Variants in BAZ2B observed in about 807,000 individuals in gnomAD.
BAZ2B encodes bromodomain adjacent to zinc finger domain 2B, also known as bromodomain adjacent to zinc finger domain protein 2B.
BAZ2B carries 91 observed loss-of-function variants against 246.0 expected under a neutral mutation model. The ratio of observed to expected loss-of-function variants is 0.37; its 90% CI spans 0.31 to 0.44. The LOEUF (loss-of-function observed/expected upper bound fraction) is 0.44, where lower values mean the gene tolerates loss of function less well. Among genes scored for constraint, BAZ2B ranks in the 20% least tolerant of loss-of-function variants. The pLI is 1.00. For synonymous variants in BAZ2B, 855 were observed against 860.0 expected, an observed-to-expected ratio of 0.99 and a Z score of 0.10; for missense variants, 2,332 against 2,533.7, an observed-to-expected ratio of 0.92 and a Z score of 1.71.
At chr2:159,533,093 G>C (rs768795155) in intron 2 of BAZ2B, among the ~76,000 whole-genome samples, 29 of 152,270 alleles carry the variant, frequency 1.9e-4, no homozygotes, top group Non-Finnish European at 3.8e-4. Context: ...ATAGGGTGGT[G>C]GTGGGAGTGA....
At chr2:159,398,176 A>C (rs1046660423) in intron 18 of BAZ2B, 2 of 150,696 alleles carry the variant, frequency 1.3e-5, no homozygotes, top group African/African-American at 4.9e-5. Context: ...TCACCCAGCT[A>C]CCCCCTTTCA....
In BAZ2B at chr2:159,517,189, T is replaced by C. The variant is rs186982072; in HGVS notation, c.-2-38468A>G. Among the ~76,000 whole-genome samples, 845 of 152,224 alleles carry C rather than the reference T, an allele frequency of 5.6e-3. 12 individuals carry two copies. The highest frequency in any genetic ancestry group is 0.019 in the African/African-American group (805 of 41,550). On this transcript the variant is annotated intron_variant, in intron 2 of 36. Coordinates refer to ENST00000392783, the MANE Select transcript of BAZ2B (RefSeq NM_013450.4). ...CAGAAAGTTTACATAATTTGAAACT[T>C]TTCTCTACATCATTTTAAACTCATA...
chr2:159,516,553 A>C (rs1212501609), intron 2 of BAZ2B: 1 of 152,580 alleles, frequency 6.6e-6, no homozygotes, highest in African/African-American at 2.4e-5. Flanking sequence ...GTTACTCACA[A>C]AACATGGCTG....
At chr2:159,495,940 T>C (rs771201237) in intron 2 of BAZ2B, among the ~76,000 whole-genome samples, 6 of 151,474 alleles carry the variant, frequency 4.0e-5, no homozygotes, top group East Asian at 2.0e-4. Flanking sequence ...GCCAATTTTT[T>C]TTTTGTATTT....
At chr2:159,597,433 T>C (rs1020989112) in intron 1 of BAZ2B, among the ~76,000 whole-genome samples, 1 of 152,328 alleles carries the variant, frequency 6.6e-6, no homozygotes, top group African/African-American at 2.4e-5. Context: ...ACAGAATAAC[T>C]TTCTGTGCTT....
intron 1 of BAZ2B, among the ~76,000 whole-genome samples, chr2:159,612,431 G>A (rs566747341): frequency 4.6e-5 from 7 of 152,000 alleles, no homozygotes; most frequent in African/African-American, 7.2e-5. Flanking sequence ...ACTTGATGAC[G>A]TAATTCCTCT....
chr2:159,552,901 A>C lies in BAZ2B; in HGVS notation c.-3+2922T>G, dbSNP rs905817427. On this transcript the variant is annotated intron_variant, in intron 2 of 36. Coordinates refer to ENST00000392783, the MANE Select transcript of BAZ2B (RefSeq NM_013450.4). ...GATGATTAGGGAAAACCTCAGGGAGATGATTATATGTGGATATGGTATTAG... is the reference window on the plus strand; with the variant it reads ...GATGATTAGGGAAAACCTCAGGGAGCTGATTATATGTGGATATGGTATTAG... Among the ~76,000 whole-genome samples, 67 of 152,212 alleles carry C rather than the reference A, an allele frequency of 4.4e-4. 1 individual carries two copies. Among genetic ancestry groups the C allele is most frequent in the Non-Finnish European group, 1.0e-4 (7 of 68,036 alleles).
rs569209872 is a variant in BAZ2B at position 159,337,668 on chromosome 2, G to A, written c.5559C>T (p.Gly1853=). The A allele has an allele frequency of 1.8e-5, 29 of 1,614,090 alleles. No homozygotes were observed. The highest frequency in any genetic ancestry group is 6.7e-5 in the East Asian group (3 of 44,888). ...GTGCATGTGCACTGCTTTCGTCTTC[G>A]CCAGTAAATTCTCCATCATGCTCCT... ...LCKEHDGEFT[G]EDESSAHALE... Residue 1853 remains glycine, a synonymous_variant, in exon 32 of 37, where the codon GGC becomes GGT. Transcript: ENST00000392783.
chr2:159,436,424 T>C (rs2072320044), intron 8 of BAZ2B, among the ~76,000 whole-genome samples: 1 of 152,156 alleles, frequency 6.6e-6, no homozygotes, highest in Admixed American at 6.6e-5. Flanking sequence ...AATTGAGACC[T>C]GTATAGCAGC....
rs190500885 is a variant in BAZ2B, at chr2:159,446,688, A to G, written c.696+94T>C. 678 of 1,240,222 alleles carry G rather than the reference A, an allele frequency of 5.5e-4. 2 individuals are homozygous for G. The highest frequency in any genetic ancestry group is 3.8e-5 in the Non-Finnish European group (34 of 904,668). 76.8% of individuals were successfully genotyped at this position (1,240,222 alleles called of 1,614,324 possible). On this transcript the variant is annotated intron_variant, in intron 6 of 36. Transcript: ENST00000392783. ...TAAAAATAAAAGTTGGTAATTCATA[A>G]GAAATTAAACCATAGATTCTGTTGA...
chr2:159,425,748 A>T (rs2069716318), intron 13 of BAZ2B, among the ~76,000 whole-genome samples: 1 of 152,224 alleles, frequency 6.6e-6, no homozygotes, highest in African/African-American at 2.4e-5. Context: ...TATATTTTAC[A>T]TCTTCTACAA....
At position 159,547,529 on chromosome 2, in the gene BAZ2B, A is replaced by C. The variant is rs148471747; in HGVS notation, c.-3+8294T>G. 4.7e-3 allele frequency among the ~76,000 whole-genome samples: 716 copies of C among 152,264 alleles called. 5 individuals are homozygous for C. Among genetic ancestry groups the C allele is most frequent in the African/African-American group, 0.016 (678 of 41,566 alleles). ...TTTCTGCAGACTACAGTTATATTTT[A>C]TCCACTCCCTGACTAGCATTTCTTA... On this transcript the variant is annotated intron_variant, in intron 2 of 36. Transcript: ENST00000392783.
chr2:159,618,448 G>A (rs1696294896), upstream of BAZ2B, among the ~76,000 whole-genome samples: 1 of 151,990 alleles, frequency 6.6e-6, no homozygotes, highest in Admixed American at 6.6e-5. Flanking sequence ...ATGTATGACT[G>A]GGTCAACAGT....
intron 9 of BAZ2B, among the ~76,000 whole-genome samples, chr2:159,431,910 T>C (rs527939788): frequency 6.6e-6 from 1 of 152,312 alleles, no homozygotes; most frequent in South Asian, 2.1e-4. Flanking sequence ...ATATTGAAAT[T>C]CATTATAAAA....
At chr2:159,326,440 A>C (rs1422827730) in intron 34 of BAZ2B, among the ~76,000 whole-genome samples, 1 of 152,202 alleles carries the variant, frequency 6.6e-6, no homozygotes, top group Non-Finnish European at 1.5e-5. Flanking sequence ...CCTGGATAAA[A>C]GATAACAGGT....
intron 23 of BAZ2B, 22 bp downstream of exon 23, chr2:159,385,132 GA>G: frequency 6.4e-7 from 1 of 1,570,730 alleles, no homozygotes; most frequent in Non-Finnish European, 8.7e-7. Context: ...AAAAATCACG[GA>G]AAAGCCTGGG....
chr2:159,496,722 G>C (rs2151070174), intron 2 of BAZ2B, among the ~76,000 whole-genome samples: 1 of 140,704 alleles, frequency 7.1e-6, no homozygotes, highest in East Asian at 2.1e-4. Context: ...GGTGGATGTT[G>C]CGGTGAGCCA....
intron 2 of BAZ2B, among the ~76,000 whole-genome samples, chr2:159,507,003 G>C (rs887192261): frequency 7.9e-5 from 12 of 152,184 alleles, no homozygotes; most frequent in Admixed American, 3.3e-4. Flanking sequence ...TTCAGTGTCA[G>C]GTGCAATACT....
At chr2:159,464,617 G>A (rs1271323748) in intron 3 of BAZ2B, 1 of 152,090 alleles carries the variant, frequency 6.6e-6, no homozygotes, top group African/African-American at 2.4e-5. Flanking sequence ...TGGGAGCCGC[G>A]GTAGCTTTGG....
Sources: allele counts gnomAD v4.1 joint callset (sites outside exome capture counted in the v4.1 genomes callset), GRCh38; gene constraint gnomAD v4.1.1; transcripts MANE v1.5; gene names NCBI Gene and HGNC (gene_info 2026-07-23, HGNC 2026-07-21).